Variants in PACSIN2 observed in about 807,000 individuals in gnomAD.
PACSIN2 encodes protein kinase C and casein kinase substrate in neurons 2, also known as protein kinase C and casein kinase substrate in neurons protein 2.
Under a neutral mutation model 63.8 loss-of-function variants are expected in PACSIN2, and 25 were observed. That is an observed-to-expected ratio of 0.39 (90% CI 0.29 to 0.55). PACSIN2 has a LOEUF of 0.55. Among genes scored for constraint, PACSIN2 ranks in the 20% least tolerant of loss-of-function variants. The probability of loss-of-function intolerance (pLI) is 0.62; values close to 1 mark genes in which losing one functional copy is unlikely to be tolerated. For missense variants in PACSIN2, 518 were observed against 646.9 expected (o/e 0.80, Z 2.16); for synonymous variants, 255 against 256.2 (o/e 1.00, Z 0.05).
At chr22:42,986,332 T>A (rs1197480869) in intron 1 of PACSIN2, among the ~76,000 whole-genome samples, 1 of 152,114 alleles carries the variant, frequency 6.6e-6, no homozygotes, top group Non-Finnish European at 1.5e-5. Flanking sequence ...CCTGGCTGTT[T>A]GGAAAAGCGC....
intron 1 of PACSIN2, among the ~76,000 whole-genome samples, chr22:42,979,921 TAC>T (rs1272287280): frequency 5.9e-5 from 9 of 152,210 alleles, no homozygotes; most frequent in Non-Finnish European, 1.2e-4. Flanking sequence ...TAAATTTACA[TAC>T]ACACATTTAT....
rs148598719 is a variant in PACSIN2, at chr22:42,967,371, C to T, written c.-78+47650G>A. Among the ~76,000 whole-genome samples, 1,125 of 152,190 alleles carry T rather than the reference C, an allele frequency of 7.4e-3. 7 individuals are homozygous for T. Among genetic ancestry groups the T allele is most frequent in the Non-Finnish European group, 0.01 (690 of 67,996 alleles). ...AGGAAAGGCAGCCAACACAAGGCCG[C>T]CAACTTTATTTTGCCCCCTAAGGAC... On this transcript the variant is annotated intron_variant, in intron 1 of 10. Coordinates refer to ENST00000263246, the MANE Select transcript of PACSIN2 (RefSeq NM_001184970.3).
intron 2 of PACSIN2, among the ~76,000 whole-genome samples, chr22:42,894,238 C>A (rs374033835): frequency 1.4e-4 from 20 of 139,902 alleles, no homozygotes; most frequent in African/African-American, 4.8e-4. Context: ...TAGGCTGGAG[C>A]TGAAGGCAAT....
At chr22:42,900,027 C>T (rs1421473663) in intron 2 of PACSIN2, among the ~76,000 whole-genome samples, 1 of 152,152 alleles carries the variant, frequency 6.6e-6, no homozygotes, top group Non-Finnish European at 1.5e-5. Context: ...CCCCCTCCTA[C>T]CTGCCCCCAT....
chr22:42,890,858 G>C, intron 4 of PACSIN2, 89 bp downstream of exon 4: 1 of 1,010,840 alleles, frequency 9.9e-7, no homozygotes, highest in South Asian at 1.4e-5. Context: ...ACAGCCAGTG[G>C]CAGGAAGTCC....
At chr22:42,915,710 C>A (rs1422445820) in intron 1 of PACSIN2, among the ~76,000 whole-genome samples, 1 of 152,198 alleles carries the variant, frequency 6.6e-6, no homozygotes, top group Non-Finnish European at 1.5e-5. Flanking sequence ...GAAGACAAAT[C>A]TTTTTATAAA....
intron 1 of PACSIN2, among the ~76,000 whole-genome samples, chr22:42,931,126 G>A (rs1281622899): frequency 6.6e-6 from 1 of 152,232 alleles, no homozygotes; most frequent in Non-Finnish European, 1.5e-5. Context: ...GGTGTTGAGG[G>A]AGGCAGACAC....
intron 1 of PACSIN2, among the ~76,000 whole-genome samples, chr22:42,933,945 GA>G (rs1397819638): frequency 6.6e-6 from 1 of 152,206 alleles, no homozygotes; most frequent in African/African-American, 2.4e-5. Flanking sequence ...CCAGTTCACA[GA>G]ACTGTTTAAA....
chr22:42,892,778 C>T (rs1489298675), intron 3 of PACSIN2, among the ~76,000 whole-genome samples: 1 of 152,220 alleles, frequency 6.6e-6, no homozygotes, highest in Non-Finnish European at 1.5e-5. Context: ...ACAGCTGGGG[C>T]TGAGGACAGC....
chr22:42,956,886 G>A (rs2146841166), intron 1 of PACSIN2, among the ~76,000 whole-genome samples: 1 of 152,270 alleles, frequency 6.6e-6, no homozygotes, highest in East Asian at 1.9e-4. Context: ...TAGAGGCCAG[G>A]GAGGGAAGCA....
intron 1 of PACSIN2, among the ~76,000 whole-genome samples, chr22:42,983,231 T>G (rs1922346338): frequency 6.6e-6 from 1 of 150,420 alleles, no homozygotes; most frequent in African/African-American, 2.5e-5. Flanking sequence ...GCAAGAGAAC[T>G]GCTCAAATCC....
intron 1 of PACSIN2, among the ~76,000 whole-genome samples, chr22:42,995,295 G>A (rs1423368576): frequency 2.0e-5 from 3 of 152,264 alleles, no homozygotes; most frequent in African/African-American, 7.2e-5. Context: ...GAAGGAAGCA[G>A]AGCTACAAAG....
intron 1 of PACSIN2, among the ~76,000 whole-genome samples, chr22:43,003,617 C>T (rs942383938): frequency 3.9e-5 from 6 of 152,114 alleles, no homozygotes; most frequent in Admixed American, 2.0e-4. Flanking sequence ...TAAAACAAAA[C>T]AAAACAAATA....
intron 1 of PACSIN2, among the ~76,000 whole-genome samples, chr22:42,963,615 A>C (rs1920931311): frequency 6.6e-6 from 1 of 152,180 alleles, no homozygotes; most frequent in Admixed American, 6.5e-5. Flanking sequence ...AAACACTATA[A>C]GATAGGTACT....
intron 3 of PACSIN2, among the ~76,000 whole-genome samples, chr22:42,892,756 G>C (rs1349777627): frequency 2.0e-5 from 3 of 152,204 alleles, no homozygotes; most frequent in Non-Finnish European, 4.4e-5. Flanking sequence ...TGGCTCCCCT[G>C]ATTGGCTGAG....
At chr22:42,895,961 C>A (rs966153043) in intron 2 of PACSIN2, among the ~76,000 whole-genome samples, 5 of 152,230 alleles carry the variant, frequency 3.3e-5, no homozygotes, top group Non-Finnish European at 7.3e-5. Context: ...CTTTCCACTT[C>A]CCTGGGCAAA....
intron 1 of PACSIN2, among the ~76,000 whole-genome samples, chr22:42,926,706 C>T (rs185997805): frequency 9.8e-4 from 149 of 152,144 alleles, no homozygotes; most frequent in African/African-American, 3.5e-3. Context: ...GCTGAGTGCA[C>T]CTGTGGTCCC....
chr22:42,876,101 G>A (rs1928594193), intron 10 of PACSIN2, 36 bp downstream of exon 10: 2 of 1,570,752 alleles, frequency 1.3e-6, no homozygotes, highest in Non-Finnish European at 1.7e-6. Context: ...CAGGTTGGAA[G>A]CCCTCCTCCC....
chr22:42,990,602 G>A (rs1322752291), intron 1 of PACSIN2, among the ~76,000 whole-genome samples: 5 of 152,126 alleles, frequency 3.3e-5, no homozygotes, highest in African/African-American at 4.8e-5. Flanking sequence ...AGGCAAAGAC[G>A]GGAAGAATGG....
Sources: gnomAD v4.1 joint callset for allele counts (sites outside exome capture counted in the v4.1 genomes callset) on GRCh38, gnomAD v4.1.1 for gene constraint, MANE v1.5 for transcripts, NCBI Gene and HGNC (gene_info 2026-07-23, HGNC 2026-07-21) for gene names.